Variants in EVC2 observed in about 807,000 individuals in gnomAD.
EVC2 encodes limbin.
Under a neutral mutation model 149.3 loss-of-function variants are expected in EVC2, and 148 were observed. That is an observed-to-expected ratio of 0.99 (90% CI 0.87 to 1.14). EVC2 has a LOEUF of 1.14. EVC2 is among the 50% of genes most tolerant of loss of function. The pLI is 0.00. For synonymous variants in EVC2, 776 were observed against 649.9 expected, an observed-to-expected ratio of 1.19 and a Z score of -2.95; for missense variants, 1,854 against 1,627.3, an observed-to-expected ratio of 1.14 and a Z score of -2.40.
chr4:5,575,759 GAAC>G (rs1331045461), intron 18 of EVC2, among the ~76,000 whole-genome samples: 5 of 152,154 alleles, frequency 3.3e-5, no homozygotes, highest in East Asian at 1.9e-4. Flanking sequence ...ACAACGCAAA[GAAC>G]AACAACAACA....
chr4:5,556,445 C>A (rs1405174438), intron 21 of EVC2, among the ~76,000 whole-genome samples: 1 of 151,644 alleles, frequency 6.6e-6, no homozygotes, highest in African/African-American at 2.4e-5. Context: ...AAAGTAGTGC[C>A]TAAAGGGAAA....
intron 16 of EVC2, among the ~76,000 whole-genome samples, chr4:5,612,742 G>A (rs1714932422): frequency 6.6e-6 from 1 of 152,054 alleles, no homozygotes; most frequent in Middle Eastern, 3.4e-3. Flanking sequence ...CTAATGCGGT[G>A]AAACCCTGTC....
intron 21 of EVC2, among the ~76,000 whole-genome samples, chr4:5,551,836 A>G (rs1368940156): frequency 6.6e-6 from 1 of 152,110 alleles, no homozygotes; most frequent in African/African-American, 2.4e-5. Context: ...AAGTCTCACA[A>G]GATCTGATGA....
intron 19 of EVC2, among the ~76,000 whole-genome samples, chr4:5,572,595 C>G (rs1236740052): frequency 6.6e-6 from 1 of 152,152 alleles, no homozygotes; most frequent in African/African-American, 2.4e-5. Context: ...TTTCGGACTT[C>G]CCAGCCTCCA....
chr4:5,648,150 T>C (rs1717861112), intron 9 of EVC2, among the ~76,000 whole-genome samples: 1 of 152,242 alleles, frequency 6.6e-6, no homozygotes. Flanking sequence ...ATATTTGTCT[T>C]TTCTTTATGC....
intron 1 of EVC2, among the ~76,000 whole-genome samples, chr4:5,698,743 T>A (rs1232244466): frequency 6.6e-6 from 1 of 152,238 alleles, no homozygotes; most frequent in Non-Finnish European, 1.5e-5. Flanking sequence ...ATGAGATAAC[T>A]CACTCCAGAG....
chr4:5,677,838 G>T lies in EVC2; in HGVS notation c.870+3422C>A, dbSNP rs1046052639. Among the ~76,000 whole-genome samples the T allele has an allele frequency of 7.2e-5, 11 of 152,308 alleles. No homozygotes were observed. Among genetic ancestry groups the T allele is most frequent in the African/African-American group, 2.6e-4 (11 of 41,578 alleles). Reference sequence around the variant, plus strand: ...GCCAGGAGCTCACAGACCACCAGAAGACTGGTTACCAGTGCACCCGACAGC... The same window carrying T: ...GCCAGGAGCTCACAGACCACCAGAATACTGGTTACCAGTGCACCCGACAGC... On this transcript the variant is annotated intron_variant, in intron 7 of 21. Coordinates refer to ENST00000344408, the MANE Select transcript of EVC2 (RefSeq NM_147127.5). This position sits in a 1 kb window ranked among gnomAD's most constrained non-coding sequence, Gnocchi z 4.3.
intron 3 of EVC2, among the ~76,000 whole-genome samples, chr4:5,693,124 G>C (rs1721241197): frequency 6.6e-6 from 1 of 152,144 alleles, no homozygotes; most frequent in African/African-American, 2.4e-5. Flanking sequence ...GATAAATACA[G>C]CTTGTGGAGC....
chr4:5,676,152 G>C (rs561926951), intron 7 of EVC2, among the ~76,000 whole-genome samples: 4 of 152,102 alleles, frequency 2.6e-5, no homozygotes, highest in Admixed American at 1.3e-4. Flanking sequence ...TGCCATCTGA[G>C]ACCTGCACTC....
intron 16 of EVC2, among the ~76,000 whole-genome samples, chr4:5,592,846 C>T (rs1487137075): frequency 6.6e-6 from 1 of 152,164 alleles, no homozygotes; most frequent in African/African-American, 2.4e-5. Flanking sequence ...AGGGAAGAAA[C>T]ACGGGAGAAG....
chr4:5,630,350 C>T (rs1716442920), intron 11 of EVC2, among the ~76,000 whole-genome samples: 1 of 152,164 alleles, frequency 6.6e-6, no homozygotes, highest in East Asian at 1.9e-4. Context: ...TGCTGAGGAC[C>T]TGCTCACAGA....
intron 9 of EVC2, among the ~76,000 whole-genome samples, chr4:5,642,432 A>G (rs1418118327): frequency 6.6e-6 from 1 of 152,242 alleles, no homozygotes; most frequent in Non-Finnish European, 1.5e-5. Context: ...TTTAACAACT[A>G]AATGCTTCTT....
At chr4:5,662,243 C>T (rs1718927807) in intron 9 of EVC2, among the ~76,000 whole-genome samples, 1 of 151,984 alleles carries the variant, frequency 6.6e-6, no homozygotes, top group Non-Finnish European at 1.5e-5. Context: ...AAAGCTTCTT[C>T]ATAAGCTTTC....
In EVC2 at chr4:5,646,311, A is replaced by G. The variant is rs867217927; in HGVS notation, c.1146-5473T>C. Among the ~76,000 whole-genome samples, 12 of 152,056 alleles carry G rather than the reference A, an allele frequency of 7.9e-5. No individual in the cohort carries two copies. The East Asian group carries it at 1.7e-3, about 22-fold the overall frequency. On this transcript the variant is annotated intron_variant, in intron 9 of 21. Coordinates refer to ENST00000344408, the MANE Select transcript of EVC2 (RefSeq NM_147127.5). ...TGTGGTTTTGATTTGCATTTCCCTA[A>G]TGATCTTTTTTTCATATGTTTGTTG...
intron 10 of EVC2, among the ~76,000 whole-genome samples, chr4:5,632,401 GT>G (rs1291199688): frequency 6.6e-6 from 1 of 152,106 alleles, no homozygotes; most frequent in Admixed American, 6.5e-5. Context: ...CAATAATGAG[GT>G]TACTAAGCCC....
At chr4:5,589,317 C>T (rs1375783279) in intron 16 of EVC2, among the ~76,000 whole-genome samples, 1 of 152,188 alleles carries the variant, frequency 6.6e-6, no homozygotes, top group African/African-American at 2.4e-5. Context: ...GTGGAAGGAA[C>T]TGTCACTATC....
At chr4:5,598,928 C>G (rs1713719060) in intron 16 of EVC2, among the ~76,000 whole-genome samples, 1 of 152,210 alleles carries the variant, frequency 6.6e-6, no homozygotes, top group African/African-American at 2.4e-5. Context: ...ACAGACATTT[C>G]TCAAAAGAAG....
intron 16 of EVC2, among the ~76,000 whole-genome samples, chr4:5,592,115 G>A (rs576466502): frequency 1.3e-5 from 2 of 152,300 alleles, no homozygotes; most frequent in South Asian, 4.1e-4. Flanking sequence ...AGCTAGCTAG[G>A]TGCCTAATGT....
At chr4:5,534,666 T>G in the EVC2 span, among the ~76,000 whole-genome samples, 404 of 152,224 alleles carry the variant, frequency 2.7e-3, 3 homozygotes, top group African/African-American at 9.5e-3. Flanking sequence ...CTCACCTCCA[T>G]GTGGTCTGCA....
Sources: gnomAD v4.1 joint callset for allele counts (sites outside exome capture counted in the v4.1 genomes callset) on GRCh38, gnomAD v4.1.1 for gene constraint, Gnocchi (gnomAD v3.1) non-coding constraint, MANE v1.5 for transcripts, NCBI Gene and HGNC (gene_info 2026-07-23, HGNC 2026-07-21) for gene names.